AMMECR1: variants seen among roughly 807,000 people sequenced by gnomAD.
The protein encoded by AMMECR1 is AMMECR nuclear protein 1, also known as nuclear protein AMMECR1.
In AMMECR1, 3 loss-of-function variants were observed where a neutral mutation model predicts 22.5. That is an observed-to-expected ratio of 0.13 (90% CI 0.06 to 0.35). AMMECR1 has a LOEUF of 0.35. Ranked by LOEUF, AMMECR1 falls within the 10% of genes least tolerant of loss-of-function variation. The pLI is 1.00. For synonymous variants in AMMECR1, 130 were observed against 116.7 expected, an observed-to-expected ratio of 1.11 and a Z score of -0.74; for missense variants, 235 against 278.7, an observed-to-expected ratio of 0.84 and a Z score of 1.12.
intron 1 of AMMECR1, among the ~76,000 whole-genome samples, chrX:110,268,043 T>C (rs2067778974): frequency 8.9e-6 from 1 of 112,410 alleles, no homozygotes; most frequent in Non-Finnish European, 1.9e-5. Flanking sequence ...GGCATGGACA[T>C]GTAAAAGTGC....
chrX:110,355,005 T>C (rs2068225031), intron 2 of AMMECR1, among the ~76,000 whole-genome samples: 1 of 112,211 alleles, frequency 8.9e-6, no homozygotes, highest in Non-Finnish European at 1.9e-5. Flanking sequence ...ACAAATGAGA[T>C]TGCATCAAAC....
intron 2 of AMMECR1, among the ~76,000 whole-genome samples, chrX:110,364,813 G>A (rs1026789929): frequency 1.8e-5 from 2 of 112,055 alleles, no homozygotes; most frequent in Non-Finnish European, 3.8e-5. Flanking sequence ...ACCGAAGAAT[G>A]TCTAATCATC....
intron 2 of AMMECR1, among the ~76,000 whole-genome samples, chrX:110,413,142 A>C (rs2068652811): frequency 9.2e-6 from 1 of 108,120 alleles, no homozygotes; most frequent in African/African-American, 3.4e-5. Context: ...CGACTCATCC[A>C]CCTCCCCACT....
intron 1 of AMMECR1, among the ~76,000 whole-genome samples, chrX:110,286,235 T>C (rs112868189): frequency 0.011 from 1,264 of 111,928 alleles, 17 homozygotes; most frequent in African/African-American, 0.039. Context: ...ATATGGTTAC[T>C]ATCTGGAAAT....
intron 3 of AMMECR1, among the ~76,000 whole-genome samples, chrX:110,208,764 G>A (rs1326809822): frequency 9.0e-6 from 1 of 111,514 alleles, no homozygotes; most frequent in Admixed American, 9.6e-5. Flanking sequence ...CTTTTGCAAT[G>A]AAGGAAATTG....
chrX:110,235,613 C>A (rs1363420437), intron 2 of AMMECR1, among the ~76,000 whole-genome samples: 2 of 112,329 alleles, frequency 1.8e-5, no homozygotes, highest in African/African-American at 6.5e-5. Flanking sequence ...CACATATACA[C>A]CATGGAGTAC....
chrX:110,220,405 T>C (rs2067494547), intron 2 of AMMECR1, among the ~76,000 whole-genome samples: 1 of 111,751 alleles, frequency 8.9e-6, no homozygotes, highest in South Asian at 3.7e-4. Flanking sequence ...TCCTGTCTAC[T>C]GGAAATCTGC....
chrX:110,401,954 C>T (rs959408956), intron 2 of AMMECR1, among the ~76,000 whole-genome samples: 9 of 112,195 alleles, frequency 8.0e-5, no homozygotes, highest in South Asian at 3.7e-4. Context: ...GGTCTCTCTT[C>T]GCTTCCTTGT....
chrX:110,341,531 G>A (rs948225635), intron 2 of AMMECR1, among the ~76,000 whole-genome samples: 3 of 112,033 alleles, frequency 2.7e-5, no homozygotes, highest in African/African-American at 9.7e-5. Context: ...ATGAAATCTT[G>A]CACCATCCTG....
intron 2 of AMMECR1, among the ~76,000 whole-genome samples, chrX:110,245,932 G>A (rs1602822407): frequency 8.9e-6 from 1 of 112,007 alleles, no homozygotes; most frequent in East Asian, 2.8e-4. Flanking sequence ...TATATGGACA[G>A]TAGTGCTACT....
intron 2 of AMMECR1, among the ~76,000 whole-genome samples, chrX:110,422,455 C>A (rs779736599): frequency 1.8e-5 from 2 of 112,863 alleles, no homozygotes; most frequent in East Asian, 5.5e-4. Flanking sequence ...GACCAGGAGG[C>A]AAAGCCATAT....
chrX:110,408,087 G>A (rs981545922), intron 2 of AMMECR1, among the ~76,000 whole-genome samples: 4 of 112,776 alleles, frequency 3.5e-5, no homozygotes, highest in African/African-American at 1.3e-4. Context: ...CAAAGAGAGT[G>A]GCAACAACAG....
chrX:110,227,162 G>A (rs893366657), intron 2 of AMMECR1, among the ~76,000 whole-genome samples: 2 of 111,651 alleles, frequency 1.8e-5, no homozygotes, highest in Non-Finnish European at 3.8e-5. Flanking sequence ...CTCAGTACAC[G>A]AGTCATGCAA....
chrX:110,247,642 G>A lies in AMMECR1; in HGVS notation c.584+16847C>T, dbSNP rs772634577. 1.2e-3 allele frequency among the ~76,000 whole-genome samples: 127 copies of A among 109,764 alleles called. 1 individual carries two copies. The highest frequency in any genetic ancestry group is 1.1e-3 in the Admixed American group (11 of 10,417). On this transcript the variant is annotated intron_variant, in intron 2 of 5. Coordinates refer to ENST00000262844, the MANE Select transcript of AMMECR1 (RefSeq NM_015365.3). ...GGAGGCACAGGTTGCAGTGCGCCCAGAGGGCACCACTGCACTCCAGCCTAG... is the reference window on the plus strand; with the variant it reads ...GGAGGCACAGGTTGCAGTGCGCCCAAAGGGCACCACTGCACTCCAGCCTAG...
chrX:110,410,068 C>T (rs1260489343), intron 2 of AMMECR1, among the ~76,000 whole-genome samples: 3 of 111,776 alleles, frequency 2.7e-5, no homozygotes. Flanking sequence ...TGATGAGGAA[C>T]CCAGTTAGGG....
intron 3 of AMMECR1, among the ~76,000 whole-genome samples, chrX:110,207,148 A>C (rs1038474365): frequency 4.5e-5 from 5 of 111,182 alleles, no homozygotes; most frequent in Non-Finnish European, 7.5e-5. Flanking sequence ...CTCACAAAAC[A>C]ACCCTGGGTA....
intron 1 of AMMECR1, among the ~76,000 whole-genome samples, chrX:110,433,147 C>T (rs772773506): frequency 1.3e-4 from 15 of 112,497 alleles, no homozygotes; most frequent in Non-Finnish European, 1.7e-4. Flanking sequence ...TTGCTGAAAA[C>T]GCTGAGAGTG....
At chrX:110,308,028 C>T (rs1174218670) in intron 1 of AMMECR1, among the ~76,000 whole-genome samples, 1 of 108,317 alleles carries the variant, frequency 9.2e-6, no homozygotes, top group Non-Finnish European at 1.9e-5. Context: ...TGCCATCATG[C>T]TCAGCTAAGT....
chrX:110,211,808 A>G (rs2067449066), intron 3 of AMMECR1, among the ~76,000 whole-genome samples: 1 of 111,868 alleles, frequency 8.9e-6, no homozygotes. Flanking sequence ...TGATGTGGGC[A>G]ATGATCAGTT....
Sources: allele counts gnomAD v4.1 joint callset (sites outside exome capture counted in the v4.1 genomes callset), GRCh38; gene constraint gnomAD v4.1.1; transcripts MANE v1.5; gene names NCBI Gene and HGNC (gene_info 2026-07-23, HGNC 2026-07-21).